Variants in RBFOX1 observed in about 807,000 individuals in gnomAD.
RBFOX1 encodes the protein RNA binding fox-1 homolog 1.
RBFOX1 carries 8 observed loss-of-function variants against 57.7 expected under a neutral mutation model. That is an observed-to-expected ratio of 0.14 (90% CI 0.08 to 0.25). RBFOX1 has a LOEUF of 0.25. Among genes scored for constraint, RBFOX1 ranks in the 10% least tolerant of loss-of-function variants. The pLI is 1.00. For synonymous variants in RBFOX1, 326 were observed against 222.4 expected (o/e 1.47, Z -4.15); for missense variants, 611 against 548.5 (o/e 1.11, Z -1.14).
chr16:5,885,845 C>G (rs139073456), intron 4 of RBFOX1, among the ~76,000 whole-genome samples: 3 of 152,264 alleles, frequency 2.0e-5, no homozygotes, highest in Admixed American at 1.3e-4. Flanking sequence ...GTTCCACCTA[C>G]TAGCTGGGTT....
chr16:6,668,038 T>C (rs1020246745), intron 3 of RBFOX1, among the ~76,000 whole-genome samples: 2 of 152,202 alleles, frequency 1.3e-5, no homozygotes, highest in Non-Finnish European at 2.9e-5. Flanking sequence ...GTTAAGATAA[T>C]AGCAAAGTAA....
In RBFOX1 at chr16:6,019,717, C is replaced by A. The variant is rs1037970560; in HGVS notation, c.-402C>A. On this transcript the variant is annotated 5_prime_UTR_variant, in exon 1 of 16. Transcript: ENST00000550418. This position sits in a 1 kb window ranked among gnomAD's most constrained non-coding sequence, Gnocchi z 4.2. ...CTTGCCCAGGCAGAGAGAGCAGGAG[C>A]GGACCGCGCGCCCGGGATTGAGAGT... 21 of 1,371,918 alleles carry A rather than the reference C, an allele frequency of 1.5e-5. No homozygotes were observed. In the African/African-American group the frequency reaches 3.2e-4, roughly 21 times the overall value. 85.0% of individuals were successfully genotyped at this position (1,371,918 alleles called of 1,614,324 possible). A position where few individuals can be genotyped will look rare whatever the true frequency, so the allele number is the denominator to read the frequency against.
At chr16:7,575,247 G>A (rs530217792) in intron 5 of RBFOX1, among the ~76,000 whole-genome samples, 1 of 152,076 alleles carries the variant, frequency 6.6e-6, no homozygotes, top group Admixed American at 6.5e-5. Context: ...CGATTCTCCT[G>A]CCTCACCCTC....
intron 1 of RBFOX1, among the ~76,000 whole-genome samples, chr16:6,253,675 ATGTGTGTG>A (rs377653141): frequency 1.0e-3 from 148 of 144,982 alleles, no homozygotes; most frequent in African/African-American, 2.9e-3. Flanking sequence ...GTGTGTGTGC[ATGTGTGTG>A]TGTGTGTGTG....
At chr16:7,217,429 A>T (rs879536474) in intron 4 of RBFOX1, among the ~76,000 whole-genome samples, 2 of 151,422 alleles carry the variant, frequency 1.3e-5, no homozygotes, top group Non-Finnish European at 2.9e-5. Flanking sequence ...ACGTCCAGCC[A>T]GGAAAACTAC....
rs557651597 is a variant in RBFOX1, at chr16:6,267,741, G to A, written c.-126-49254G>A. Among the ~76,000 whole-genome samples the A allele has an allele frequency of 1.2e-4, 18 of 152,154 alleles. No individual in the cohort carries two copies. In the South Asian group the frequency reaches 3.5e-3, roughly 30 times the overall value. ...TCCCATGAAAGAGTCAACTGAATTC[G>A]GGTACAAGTCGCTTAGATTTACCAA... On this transcript the variant is annotated intron_variant, in intron 1 of 15. Transcript: ENST00000550418.
chr16:6,175,737 G>A (rs181265270), intron 1 of RBFOX1, among the ~76,000 whole-genome samples: 2 of 152,342 alleles, frequency 1.3e-5, no homozygotes, highest in East Asian at 3.9e-4. Context: ...TGGTGCCGCT[G>A]CTGCTGGTTG....
chr16:7,046,441 C>A (rs1215553851), intron 3 of RBFOX1, among the ~76,000 whole-genome samples: 1 of 152,072 alleles, frequency 6.6e-6, no homozygotes, highest in Non-Finnish European at 1.5e-5. Flanking sequence ...ATTAGCTTGA[C>A]TTCGGTGATT....
intron 1 of RBFOX1, among the ~76,000 whole-genome samples, chr16:6,161,708 T>C (rs1288311268): frequency 2.0e-5 from 3 of 151,900 alleles, no homozygotes; most frequent in African/African-American, 7.3e-5. Flanking sequence ...GAAAAAGTCA[T>C]TGTCATCTAC....
At chr16:7,501,205 T>A (rs138769449) in intron 4 of RBFOX1, among the ~76,000 whole-genome samples, 16 of 152,326 alleles carry the variant, frequency 1.1e-4, no homozygotes, top group African/African-American at 3.6e-4. Context: ...TTTGTCCTAT[T>A]TACCTAAAGT....
At chr16:5,976,401 C>T (rs774718411) in intron 4 of RBFOX1, among the ~76,000 whole-genome samples, 6 of 152,258 alleles carry the variant, frequency 3.9e-5, no homozygotes, top group South Asian at 2.1e-4. Flanking sequence ...GCGGAATAAA[C>T]GCTAATTACC....
chr16:7,115,295 C>A (rs2065644803), intron 4 of RBFOX1, among the ~76,000 whole-genome samples: 1 of 152,100 alleles, frequency 6.6e-6, no homozygotes, highest in Non-Finnish European at 1.5e-5. Context: ...TTTTTGATTA[C>A]TTGTGTGCCA....
chr16:6,891,777 A>G (rs2065485072), intron 3 of RBFOX1, among the ~76,000 whole-genome samples: 1 of 152,190 alleles, frequency 6.6e-6, no homozygotes, highest in South Asian at 2.1e-4. Context: ...GTCTCATCAA[A>G]TTCCTGCTGC....
At chr16:6,216,062 AAGAG>A (rs1162395034) in intron 1 of RBFOX1, among the ~76,000 whole-genome samples, 2 of 152,170 alleles carry the variant, frequency 1.3e-5, no homozygotes, top group African/African-American at 4.8e-5. Flanking sequence ...TCTCGCTTGT[AAGAG>A]AGAGTTAAAT....
chr16:6,033,862 C>A (rs1021928220), intron 1 of RBFOX1, among the ~76,000 whole-genome samples: 1 of 152,206 alleles, frequency 6.6e-6, no homozygotes. Flanking sequence ...GATGCTCTGG[C>A]TGAGCTGCAC....
intron 4 of RBFOX1, among the ~76,000 whole-genome samples, chr16:7,157,680 A>C (rs1413803840): frequency 6.6e-6 from 1 of 152,182 alleles, no homozygotes; most frequent in African/African-American, 2.4e-5. Context: ...TACACGCCAT[A>C]GCCACTCTAC....
intron 2 of RBFOX1, among the ~76,000 whole-genome samples, chr16:6,421,747 T>C (rs984098248): frequency 6.6e-6 from 1 of 152,078 alleles, no homozygotes; most frequent in Admixed American, 6.5e-5. Context: ...TCCATGTATC[T>C]TTTCAATACG....
chr16:7,071,062 C>A (rs1017568465), intron 4 of RBFOX1, among the ~76,000 whole-genome samples: 1 of 152,174 alleles, frequency 6.6e-6, no homozygotes, highest in Non-Finnish European at 1.5e-5. Flanking sequence ...CTTCACAAGC[C>A]TATCTTTACT....
At chr16:5,718,623 C>A (rs1236543676) in intron 3 of RBFOX1, among the ~76,000 whole-genome samples, 2 of 152,184 alleles carry the variant, frequency 1.3e-5, no homozygotes, top group African/African-American at 2.4e-5. Flanking sequence ...ACTTTCTGGC[C>A]TGGCTGGACA....
Sources: gnomAD v4.1 joint callset for allele counts (sites outside exome capture counted in the v4.1 genomes callset) on GRCh38, gnomAD v4.1.1 for gene constraint, Gnocchi (gnomAD v3.1) non-coding constraint, MANE v1.5 for transcripts, NCBI Gene and HGNC (gene_info 2026-07-23, HGNC 2026-07-21) for gene names.